MAP4K5: variants seen among roughly 807,000 people sequenced by gnomAD.
The protein encoded by MAP4K5 is mitogen-activated protein kinase kinase kinase kinase 5, also known as MAPK/ERK kinase kinase kinase 5.
Under a neutral mutation model 135.6 loss-of-function variants are expected in MAP4K5, and 82 were observed. The ratio of observed to expected loss-of-function variants is 0.60; its 90% CI spans 0.51 to 0.73. The LOEUF (loss-of-function observed/expected upper bound fraction) is 0.73. Ranked by LOEUF, MAP4K5 falls within the 30% of genes least tolerant of loss-of-function variation. The pLI, the probability that MAP4K5 is intolerant of heterozygous loss-of-function variation, is 0.00. For synonymous variants in MAP4K5, 347 were observed against 335.0 expected (o/e 1.04, Z -0.39); for missense variants, 907 against 1,010.9 (o/e 0.90, Z 1.39).
At chr14:50,538,147 G>A (rs552440735) in intron 2 of MAP4K5, among the ~76,000 whole-genome samples, 220 of 152,320 alleles carry the variant, frequency 1.4e-3, no homozygotes, top group Non-Finnish European at 2.4e-3. Context: ...TCATGTTCTC[G>A]TGATAGTGAA....
chr14:50,529,469 T>C (rs2038339465), intron 2 of MAP4K5, among the ~76,000 whole-genome samples: 1 of 152,188 alleles, frequency 6.6e-6, no homozygotes, highest in African/African-American at 2.4e-5. Context: ...CAAAAGCATG[T>C]GCTCAGAGAA....
chr14:50,475,832 T>C (rs1269836865), intron 8 of MAP4K5, among the ~76,000 whole-genome samples: 1 of 152,240 alleles, frequency 6.6e-6, no homozygotes, highest in African/African-American at 2.4e-5. Flanking sequence ...AATGATTGAA[T>C]AGATTTATCA....
chr14:50,469,918 T>C (rs772403698), intron 9 of MAP4K5, among the ~76,000 whole-genome samples: 35 of 152,214 alleles, frequency 2.3e-4, no homozygotes, highest in Non-Finnish European at 1.2e-4. Flanking sequence ...CAAAAAGTTA[T>C]ATTAACACCC....
At chr14:50,496,325 TCAA>T (rs2037592598) in intron 3 of MAP4K5, among the ~76,000 whole-genome samples, 1 of 151,298 alleles carries the variant, frequency 6.6e-6, no homozygotes, top group Non-Finnish European at 1.5e-5. Context: ...AGACTCCAAC[TCAA>T]CAAAAACAAA....
chr14:50,462,542 T>C (rs934346103), intron 13 of MAP4K5, 123 bp downstream of exon 13: 15 of 667,776 alleles, frequency 2.2e-5, no homozygotes, highest in Non-Finnish European at 3.7e-5. Context: ...ATTATTAATC[T>C]CTGTAGCTAA....
intron 2 of MAP4K5, among the ~76,000 whole-genome samples, chr14:50,518,594 T>C (rs943473774): frequency 6.6e-6 from 1 of 152,212 alleles, no homozygotes; most frequent in Non-Finnish European, 1.5e-5. Flanking sequence ...AAGGAGGCTA[T>C]ACTGCACAAT....
intron 2 of MAP4K5, among the ~76,000 whole-genome samples, chr14:50,520,498 C>G (rs2038126723): frequency 6.6e-6 from 1 of 152,002 alleles, no homozygotes; most frequent in Non-Finnish European, 1.5e-5. Flanking sequence ...AAGACTCTGT[C>G]TCAAAAAAAG....
intron 28 of MAP4K5, among the ~76,000 whole-genome samples, chr14:50,433,553 C>T (rs1231329176): frequency 2.0e-5 from 3 of 152,102 alleles, no homozygotes; most frequent in African/African-American, 7.2e-5. Context: ...GTGAATTTAG[C>T]GTAGGTTCTA....
chr14:50,432,296 A>G (rs967032017), intron 28 of MAP4K5, among the ~76,000 whole-genome samples: 2 of 152,196 alleles, frequency 1.3e-5, no homozygotes, highest in African/African-American at 4.8e-5. Context: ...AATCACTTGT[A>G]AAAATGGGGA....
intron 28 of MAP4K5, among the ~76,000 whole-genome samples, chr14:50,431,650 C>T (rs1281576219): frequency 4.0e-5 from 6 of 151,816 alleles, no homozygotes; most frequent in African/African-American, 9.7e-5. Flanking sequence ...TCCAGTCTAT[C>T]GTTGTTGGAC....
At chr14:50,470,939 C>T (rs1007724852) in intron 9 of MAP4K5, among the ~76,000 whole-genome samples, 4 of 152,074 alleles carry the variant, frequency 2.6e-5, no homozygotes, top group African/African-American at 9.7e-5. Context: ...ATAAATATTG[C>T]TTAAAGTTTT....
intron 7 of MAP4K5, 35 bp from the exon 8 acceptor site, chr14:50,476,205 T>C: frequency 6.8e-7 from 1 of 1,467,950 alleles, no homozygotes; most frequent in East Asian, 2.5e-5. Context: ...TAAATTAGCA[T>C]CATAAAATTT....
chr14:50,538,605 A>G (rs1249627034), intron 2 of MAP4K5, among the ~76,000 whole-genome samples: 1 of 152,172 alleles, frequency 6.6e-6, no homozygotes, highest in Non-Finnish European at 1.5e-5. Flanking sequence ...GTTTGCCCAC[A>G]CCTCATGTAG....
At chr14:50,558,315 C>T (rs895437269) in intron 1 of MAP4K5, among the ~76,000 whole-genome samples, 11 of 152,122 alleles carry the variant, frequency 7.2e-5, no homozygotes, top group Non-Finnish European at 1.6e-4. Flanking sequence ...GCTGAGATCA[C>T]GCCACTGCAC....
At chr14:50,423,446 A>G (rs2035777400) in intron 31 of MAP4K5, among the ~76,000 whole-genome samples, 1 of 151,712 alleles carries the variant, frequency 6.6e-6, no homozygotes, top group Non-Finnish European at 1.5e-5. Flanking sequence ...GAAGAAACTA[A>G]GACTCCAAGA....
chr14:50,464,968 A>G (rs1046036060), intron 11 of MAP4K5, among the ~76,000 whole-genome samples: 3 of 152,230 alleles, frequency 2.0e-5, no homozygotes, highest in African/African-American at 2.4e-5. Flanking sequence ...TCCTGAATGA[A>G]TATCAGTCAT....
At chr14:50,438,061 A>G (rs774333762) in intron 24 of MAP4K5, 31 bp downstream of exon 24, 2 of 1,018,008 alleles carry the variant, frequency 2.0e-6, no homozygotes, top group African/African-American at 3.2e-5. Flanking sequence ...GCAGAGAAAT[A>G]CAATTTTCGA....
rs369456881 is a variant in MAP4K5 at position 50,522,937 on chromosome 14, AC to A, written c.108+9004del. Among the ~76,000 whole-genome samples, 31 of 152,360 alleles carry A rather than the reference AC, an allele frequency of 2.0e-4. No homozygotes were observed. The East Asian group carries it at 5.8e-3, about 28-fold the overall frequency. ...TGGAGAGAAGACATAAGAAACAGCT[AC>A]ATTTTCTTTGCTTACAAATTCATGC... is the stretch of plus-strand genomic sequence containing the variant. On this transcript the variant is annotated intron_variant, in intron 2 of 32. Coordinates refer to ENST00000682126, the MANE Select transcript of MAP4K5 (RefSeq NM_006575.6).
In MAP4K5 at chr14:50,555,324, CA is replaced by C. The variant is rs2038752936; in HGVS notation, c.-180+5715del. Among the ~76,000 whole-genome samples the C allele has an allele frequency of 3.3e-5, 5 of 152,350 alleles. No individual in the cohort carries two copies. In the South Asian group the frequency reaches 1.0e-3, roughly 32 times the overall value. On this transcript the variant is annotated intron_variant, in intron 1 of 8. Coordinates refer to the MAP4K5 transcript ENST00000555216. ...TGAGACGGAGTCTCGCTCTGTCACC[CA>C]GGCTGGAGTGCAGTGGCGTGATCTT...
Sources: gnomAD v4.1 joint callset for allele counts (sites outside exome capture counted in the v4.1 genomes callset) on GRCh38, gnomAD v4.1.1 for gene constraint, MANE v1.5 for transcripts, NCBI Gene and HGNC (gene_info 2026-07-23, HGNC 2026-07-21) for gene names.